Variants in SERPINB13 observed in about 807,000 individuals in gnomAD.
SERPINB13 encodes the protein serpin B13.
Under a neutral mutation model 31.2 loss-of-function variants are expected in SERPINB13, and 26 were observed. The ratio of observed to expected loss-of-function variants is 0.83; its 90% CI spans 0.61 to 1.15. SERPINB13 has a LOEUF of 1.15. Among genes scored for constraint, SERPINB13 ranks in the 50% most tolerant of loss-of-function variants. The pLI is 0.00. For missense variants in SERPINB13, 510 were observed against 469.4 expected, an observed-to-expected ratio of 1.09 and a Z score of -0.80; for synonymous variants, 191 against 172.4, an observed-to-expected ratio of 1.11 and a Z score of -0.85.
In SERPINB13 at chr18:63,594,976, A is replaced by G. The variant is rs1912075593; in HGVS notation, c.616-53A>G. On this transcript the variant is annotated intron_variant, in intron 6 of 7. Transcript: ENST00000344731. ...TTGATGAACTAACTTGGTTGCCTTA[A>G]TGCCTTTGGTCTTATGTCCTTTGAT... is the stretch of plus-strand genomic sequence containing the variant. The G allele has an allele frequency of 9.8e-6, 15 of 1,527,732 alleles. No individual in the cohort carries two copies. The South Asian group carries it at 1.9e-4, about 20-fold the overall frequency. 94.6% of individuals were successfully genotyped at this position (1,527,732 alleles called of 1,614,324 possible). A position where few individuals can be genotyped will look rare whatever the true frequency, so the allele number is the denominator to read the frequency against.
chr18:63,589,213 G>T (rs1389059487), intron 2 of SERPINB13, among the ~76,000 whole-genome samples: 1 of 152,160 alleles, frequency 6.6e-6, no homozygotes, highest in Non-Finnish European at 1.5e-5. Context: ...TAAAGAAGGG[G>T]ATTCACCATG....
intron 7 of SERPINB13, 34 bp downstream of exon 7, chr18:63,595,218 T>A (rs1177188801): frequency 6.3e-7 from 1 of 1,581,620 alleles, no homozygotes; most frequent in Non-Finnish European, 8.6e-7. Context: ...CTTTCTTTCA[T>A]TTCCTAAGGC....
intron 3 of SERPINB13, 134 bp from the exon 4 acceptor site, chr18:63,592,214 G>A: frequency 1.1e-6 from 1 of 869,672 alleles, no homozygotes; most frequent in Non-Finnish European, 1.7e-6. Context: ...ATATCCAGGG[G>A]CCACATCAAA....
chr18:63,598,353 T>A lies in SERPINB13; in HGVS notation c.*990T>A, dbSNP rs566161873. On this transcript the variant is annotated 3_prime_UTR_variant, in exon 8 of 8. Transcript: ENST00000344731. ...TATAATTCATTGACTTTTAGTAAAT[T>A]TCTAGCGTTATGCATCGCCACAATC... 1 of 152,246 alleles carries A rather than the reference T, an allele frequency of 6.6e-6. No individual in the cohort carries two copies. Among genetic ancestry groups the A allele is most frequent in the African/African-American group, 2.4e-5 (1 of 41,564 alleles). 9.4% of individuals were successfully genotyped at this position (152,246 alleles called of 1,614,324 possible).
At chr18:63,587,909 T>A (rs1181566284) in intron 1 of SERPINB13, among the ~76,000 whole-genome samples, 2 of 152,260 alleles carry the variant, frequency 1.3e-5, no homozygotes, top group African/African-American at 2.4e-5. Flanking sequence ...TTAAAAACTA[T>A]TTTTGTGAAA....
chr18:63,593,367 C>T (rs1911971474), intron 5 of SERPINB13, among the ~76,000 whole-genome samples: 1 of 152,134 alleles, frequency 6.6e-6, no homozygotes, highest in African/African-American at 2.4e-5. Context: ...TCCTTTATAT[C>T]AGAGCCTTTC....
chr18:63,588,796 G>A lies in SERPINB13; in HGVS notation c.129G>A (p.Leu43=), dbSNP rs1911664724. The A allele has an allele frequency of 5.0e-6, 8 of 1,614,066 alleles. No homozygotes were observed. The African/African-American group carries it at 6.7e-5, about 13-fold the overall frequency. The change falls in exon 2 of 8, where the codon CTG becomes CTA. Residue 43 remains leucine (L), a synonymous_variant. Coordinates refer to ENST00000344731, the MANE Select transcript of SERPINB13 (RefSeq NM_012397.4). ...TGACTGCAATTGGCATGGTCCTCCT[G>A]GGGACCCGAGGAGCCACCGCTTCCC... is the stretch of plus-strand genomic sequence containing the variant. ...GILTAIGMVL[L]GTRGATASQL... is the part of the protein sequence containing the mutation.
At chr18:63,588,953 G>GA in intron 2 of SERPINB13, 121 bp downstream of exon 2, 1 of 1,110,428 alleles carries the variant, frequency 9.0e-7, no homozygotes, top group South Asian at 1.8e-5. Flanking sequence ...CCAGGAAACA[G>GA]AGACTTTCAA....
At chr18:63,588,965 A>G in intron 2 of SERPINB13, 133 bp downstream of exon 2, 2 of 988,186 alleles carry the variant, frequency 2.0e-6, no homozygotes, top group Non-Finnish European at 2.9e-6. Flanking sequence ...GACTTTCAAG[A>G]CAAGGAGCAA....
intron 7 of SERPINB13, 72 bp from the exon 8 acceptor site, chr18:63,596,887 C>G (rs760274670): frequency 1.1e-4 from 138 of 1,222,102 alleles, no homozygotes; most frequent in Non-Finnish European, 1.5e-4. Context: ...CTGACTGACA[C>G]AAATCAGTGT....
intron 3 of SERPINB13, chr18:63,590,096 C>G (rs1374612270): frequency 5.9e-6 from 1 of 170,810 alleles, no homozygotes; most frequent in African/African-American, 2.4e-5. Context: ...TATCTTCTTT[C>G]AGCCTCTGTA....
chr18:63,595,251 T>C, intron 7 of SERPINB13, 67 bp downstream of exon 7: 1 of 1,493,980 alleles, frequency 6.7e-7, no homozygotes, highest in Non-Finnish European at 9.0e-7. Flanking sequence ...GGCTTCTGAG[T>C]AGGAGCTGGT....
chr18:63,596,753 A>G (rs1009826754), intron 7 of SERPINB13, among the ~76,000 whole-genome samples: 2 of 152,240 alleles, frequency 1.3e-5, no homozygotes, highest in Non-Finnish European at 2.9e-5. Context: ...ATTCAATGCT[A>G]TTGGATTTCC....
At chr18:63,596,734 T>C (rs1243068001) in intron 7 of SERPINB13, among the ~76,000 whole-genome samples, 1 of 152,210 alleles carries the variant, frequency 6.6e-6, no homozygotes, top group Non-Finnish European at 1.5e-5. Flanking sequence ...TTTTAATCTT[T>C]AAAAATGTAT....
rs781537945 is a variant in SERPINB13, at chr18:63,592,892, T to G, written c.393T>G (p.Ser131=). 2.5e-6 allele frequency: 4 copies of G among 1,611,834 alleles called. No individual in the cohort carries two copies. In the African/African-American group the frequency reaches 5.3e-5, roughly 22 times the overall value. The change falls in exon 5 of 8, where the codon TCT becomes TCG. Residue 131 remains serine, a synonymous_variant. Transcript: ENST00000344731. Reference sequence around the variant, plus strand: ...ATGTTGAAAAATATTATCATGCATCTCTGGAACCTGTTGATTTTGTAAATG... The same window carrying G: ...ATGTTGAAAAATATTATCATGCATCGCTGGAACCTGTTGATTTTGTAAATG... ...LDYVEKYYHA[S]LEPVDFVNAA... is the part of the protein sequence containing the mutation.
chr18:63,596,210 C>T (rs569652587), intron 7 of SERPINB13, among the ~76,000 whole-genome samples: 2 of 152,226 alleles, frequency 1.3e-5, no homozygotes, highest in African/African-American at 4.8e-5. Flanking sequence ...TGTGCTACTT[C>T]TGTGAAATAT....
At chr18:63,590,092 C>T (rs1171651946) in intron 3 of SERPINB13, 3 of 171,886 alleles carry the variant, frequency 1.7e-5, no homozygotes, top group Non-Finnish European at 3.7e-5. Context: ...TATTTATCTT[C>T]TTTCAGCCTC....
chr18:63,589,885 A>C, intron 3 of SERPINB13, 170 bp downstream of exon 3: 1 of 1,336,534 alleles, frequency 7.5e-7, no homozygotes, highest in Non-Finnish European at 1.0e-6. Flanking sequence ...ATATTGTTGT[A>C]AGGATTATAC....
intron 5 of SERPINB13, 86 bp downstream of exon 5, chr18:63,593,057 A>C: frequency 1.2e-6 from 1 of 860,130 alleles, no homozygotes; most frequent in Admixed American, 2.1e-5. Flanking sequence ...ACCTGCTGTG[A>C]ATGAAGCCCT....
Sources: gnomAD v4.1 joint callset for allele counts (sites outside exome capture counted in the v4.1 genomes callset) on GRCh38, gnomAD v4.1.1 for gene constraint, MANE v1.5 for transcripts, NCBI Gene and HGNC (gene_info 2026-07-23, HGNC 2026-07-21) for gene names.